The following JUP variants were observed in gnomAD, a reference collection of about 807,000 sequenced individuals.
JUP encodes the protein junction plakoglobin.
Under a neutral mutation model 71.1 loss-of-function variants are expected in JUP, and 28 were observed. The observed-to-expected ratio is 0.39, with a 90% confidence interval of 0.29 to 0.54. The LOEUF is 0.54. Among genes scored for constraint, JUP ranks in the 20% least tolerant of loss-of-function variants. The probability of loss-of-function intolerance (pLI) is 0.62; values close to 1 mark genes in which losing one functional copy is unlikely to be tolerated. For synonymous variants in JUP, 401 were observed against 438.9 expected (o/e 0.91, Z 1.08); for missense variants, 869 against 1,030.1 (o/e 0.84, Z 2.14).
chr17:41,769,261 C>A, intron 3 of JUP, 54 bp from the exon 4 acceptor site: 2 of 1,577,272 alleles, frequency 1.3e-6, no homozygotes, highest in Non-Finnish European at 1.7e-6. Flanking sequence ...GGCCGGGATA[C>A]CCTTCCACAG....
intron 4 of JUP, among the ~76,000 whole-genome samples, chr17:41,768,131 G>A (rs1344870886): frequency 6.6e-6 from 1 of 152,174 alleles, no homozygotes; most frequent in Non-Finnish European, 1.5e-5. Flanking sequence ...GGGCATGGTG[G>A]CAGACGCCTA....
chr17:41,763,906 G>C (rs1915282491), intron 7 of JUP, among the ~76,000 whole-genome samples: 1 of 152,170 alleles, frequency 6.6e-6, no homozygotes, highest in Non-Finnish European at 1.5e-5. Flanking sequence ...CCCCAGCTTT[G>C]GGGACGGACA....
intron 7 of JUP, among the ~76,000 whole-genome samples, chr17:41,764,331 T>TC (rs1479640756): frequency 6.6e-6 from 1 of 151,986 alleles, no homozygotes; most frequent in African/African-American, 2.4e-5. Flanking sequence ...GGTCAGGAGT[T>TC]CAAGACCAGC....
intron 3 of JUP, 26 bp downstream of exon 3, chr17:41,769,392 C>T (rs562437578): frequency 1.2e-6 from 2 of 1,601,352 alleles, no homozygotes; most frequent in African/African-American, 1.3e-5. Context: ...TGCCCAGCCC[C>T]CACCCTAGCA....
At chr17:41,760,465 A>C (rs1223103326) in intron 8 of JUP, among the ~76,000 whole-genome samples, 1 of 151,654 alleles carries the variant, frequency 6.6e-6, no homozygotes, top group Non-Finnish European at 1.5e-5. Flanking sequence ...TCACCGTGTT[A>C]GCCAGGATGG....
chr17:41,781,337 A>T (rs1173373101), intron 1 of JUP, among the ~76,000 whole-genome samples: 14 of 151,780 alleles, frequency 9.2e-5, no homozygotes, highest in African/African-American at 3.1e-4. Context: ...TCTGGGTGAC[A>T]GAGTGAGAGA....
chr17:41,758,271 C>T (rs1914202732), intron 10 of JUP, 128 bp downstream of exon 10: 1 of 1,258,250 alleles, frequency 7.9e-7, no homozygotes, highest in African/African-American at 1.5e-5. Context: ...TCTGGAGTGG[C>T]AACTTTCCTC....
At position 41,764,955 on chromosome 17, in the gene JUP, C is replaced by T. The variant is rs1567812537; in HGVS notation, c.1022G>A (p.Cys341Tyr). 3 of 1,614,212 alleles carry T rather than the reference C, an allele frequency of 1.9e-6. No homozygotes were observed. Among genetic ancestry groups the T allele is most frequent in the Non-Finnish European group, 2.5e-6 (3 of 1,180,048 alleles). ...TSRVLKVLSV[C>Y]PSNKPAIVEA... ...CACAATGGCAGGCTTATTGCTGGGA[C>T]ACACGGATAGCACCTTGAGCACACG... The change falls in exon 6 of 14, where the codon TGT (cysteine) becomes TAT (tyrosine). Residue 341 changes from cysteine (C) to tyrosine (Y), a missense_variant. Transcript: ENST00000393931.
chr17:41,771,881 A>C lies in JUP; in HGVS notation c.-8-19T>G, dbSNP rs1373849218. 4 of 1,585,452 alleles carry C rather than the reference A, an allele frequency of 2.5e-6. No individual in the cohort carries two copies. Among genetic ancestry groups the C allele is most frequent in the Non-Finnish European group, 3.4e-6 (4 of 1,165,244 alleles). ...GTGGCTACTGGGGGCACAAAGGAGG[A>C]AGTCAGGAAGCAGGAAGTCACCTGG... On this transcript the variant is annotated intron_variant, in intron 1 of 13. Transcript: ENST00000393931.
At chr17:41,771,448 G>A (rs1436951492) in intron 2 of JUP, 199 bp downstream of exon 2, 9 of 615,372 alleles carry the variant, frequency 1.5e-5, no homozygotes, top group Non-Finnish European at 2.6e-5. Flanking sequence ...CACAGAAGAG[G>A]ATTCTGTGAC....
At chr17:41,769,297 C>T (rs1768702951) in intron 3 of JUP, 90 bp from the exon 4 acceptor site, 1 of 1,557,134 alleles carries the variant, frequency 6.4e-7, no homozygotes, top group African/African-American at 1.4e-5. Flanking sequence ...CAGTCAGACT[C>T]ATCACACACG....
intron 1 of JUP, among the ~76,000 whole-genome samples, chr17:41,784,311 G>C (rs902961107): frequency 9.9e-5 from 15 of 152,096 alleles, no homozygotes; most frequent in African/African-American, 3.1e-4. Context: ...GTGCAAGGGA[G>C]GGGTGGAGTG....
intron 4 of JUP, among the ~76,000 whole-genome samples, chr17:41,768,022 G>A (rs921824011): frequency 6.6e-6 from 1 of 152,222 alleles, no homozygotes; most frequent in African/African-American, 2.4e-5. Context: ...CAGCGCTTGG[G>A]GAGGCTGAGG....
intron 8 of JUP, among the ~76,000 whole-genome samples, chr17:41,762,162 A>T (rs1410133035): frequency 7.3e-4 from 64 of 87,156 alleles, no homozygotes; most frequent in African/African-American, 1.8e-3. Context: ...AGAGAGAGAG[A>T]GAGAGAGAGA....
intron 12 of JUP, among the ~76,000 whole-genome samples, chr17:41,756,790 C>T (rs1387895519): frequency 6.6e-6 from 1 of 151,784 alleles, no homozygotes; most frequent in East Asian, 1.9e-4. Flanking sequence ...GTCCCAGTTA[C>T]TCAGAAGGCT....
chr17:41,778,653 T>C (rs1451396965), intron 1 of JUP, among the ~76,000 whole-genome samples: 1 of 152,116 alleles, frequency 6.6e-6, no homozygotes, highest in African/African-American at 2.4e-5. Context: ...GGCTCATGCC[T>C]GTAATCCCAG....
At chr17:41,780,702 A>G (rs1555610053) in intron 1 of JUP, among the ~76,000 whole-genome samples, 3 of 45,878 alleles carry the variant, frequency 6.5e-5, no homozygotes, top group African/African-American at 3.0e-4. Context: ...CTCAAAAAAC[A>G]AACCAAAAAA....
intron 1 of JUP, among the ~76,000 whole-genome samples, chr17:41,782,717 C>T (rs1412214957): frequency 6.6e-6 from 1 of 152,158 alleles, no homozygotes; most frequent in East Asian, 1.9e-4. Context: ...CCCCCACCTA[C>T]AAAACCTGCC....
At position 41,767,534 on chromosome 17, in the gene JUP, T is replaced by C. The variant is rs1915923358; in HGVS notation, c.754A>G (p.Asn252Asp). ...VLFYAITTLH[N>D]LLLYQEGAKM... Reference sequence around the variant, plus strand: ...GCGCCCTCCTGGTACAGGAGCAGGTTGTGCAGCGTGGTGATGGCATAGAAC... The same window carrying C: ...GCGCCCTCCTGGTACAGGAGCAGGTCGTGCAGCGTGGTGATGGCATAGAAC... Residue 252 changes from asparagine to aspartate, a missense_variant, in exon 5 of 14, where the codon AAC becomes GAC. Asn to Asp is a conservative substitution (Grantham distance 23). Transcript: ENST00000393931. 7 of 1,598,234 alleles carry C rather than the reference T, an allele frequency of 4.4e-6. No homozygotes were observed. In the Middle Eastern group the frequency reaches 1.2e-3, roughly 267 times the overall value.
Sources: gnomAD v4.1 joint callset for allele counts (sites outside exome capture counted in the v4.1 genomes callset) on GRCh38, gnomAD v4.1.1 for gene constraint, MANE v1.5 for transcripts, NCBI Gene and HGNC (gene_info 2026-07-23, HGNC 2026-07-21) for gene names.